SLCO1A2: variants seen among roughly 807,000 people sequenced by gnomAD.
SLCO1A2 encodes OATP-1.
In SLCO1A2, 67 loss-of-function variants were observed where a neutral mutation model predicts 69.0. The ratio of observed to expected loss-of-function variants is 0.97; its 90% CI spans 0.80 to 1.19. The LOEUF (loss-of-function observed/expected upper bound fraction) is 1.19. Among genes scored for constraint, SLCO1A2 ranks in the 50% most tolerant of loss-of-function variants. SLCO1A2 has a pLI of 0.00. For missense variants in SLCO1A2, 787 were observed against 793.7 expected (o/e 0.99, Z 0.10); for synonymous variants, 260 against 265.9 (o/e 0.98, Z 0.22).
chr12:21,278,256 A>AT (rs148850552), intron 12 of SLCO1A2, among the ~76,000 whole-genome samples: 5,804 of 151,974 alleles, frequency 0.038, 475 homozygotes, highest in East Asian at 0.35. Context: ...GATTTGTATG[A>AT]TTTTTTACCC....
At chr12:21,301,147 T>C (rs1334437413) in intron 7 of SLCO1A2, 24 bp downstream of exon 7, 3 of 1,514,070 alleles carry the variant, frequency 2.0e-6, no homozygotes, top group Admixed American at 1.7e-5. Context: ...CTAGACACTG[T>C]ACAAATAGAT....
At chr12:21,298,740 T>C (rs1283957892) in intron 8 of SLCO1A2, among the ~76,000 whole-genome samples, 2 of 152,142 alleles carry the variant, frequency 1.3e-5, no homozygotes, top group African/African-American at 4.8e-5. Flanking sequence ...CTAAGCTCTT[T>C]CCTAATTTTG....
chr12:21,279,669 A>G (rs1227531178), intron 12 of SLCO1A2, among the ~76,000 whole-genome samples: 1 of 152,224 alleles, frequency 6.6e-6, no homozygotes, highest in Non-Finnish European at 1.5e-5. Flanking sequence ...GATTTCATCA[A>G]TACCAGCCCA....
At chr12:21,362,424 G>A (rs930172003) in intron 2 of SLCO1A2, among the ~76,000 whole-genome samples, 30 of 152,214 alleles carry the variant, frequency 2.0e-4, no homozygotes, top group African/African-American at 4.8e-4. Context: ...AGGAACAACC[G>A]GTACGAGCCA....
intron 12 of SLCO1A2, among the ~76,000 whole-genome samples, chr12:21,288,260 A>G (rs965227012): frequency 6.6e-5 from 10 of 151,984 alleles, no homozygotes; most frequent in African/African-American, 2.4e-4. Flanking sequence ...GGGCCAACAT[A>G]ATAAAACACT....
intron 2 of SLCO1A2, among the ~76,000 whole-genome samples, chr12:21,361,394 G>C (rs4762819): frequency 1 from 152,074 of 152,306 alleles, 75,922 homozygotes; most frequent in Non-Finnish European, 1. Context: ...AGGTCACCAT[G>C]ATCAGAGACG....
At chr12:21,275,497 A>G in intron 12 of SLCO1A2, 73 bp from the exon 13 acceptor site, 1 of 1,285,520 alleles carries the variant, frequency 7.8e-7, no homozygotes, top group Non-Finnish European at 1.0e-6. Context: ...TGAAAAGGCC[A>G]GTTGTAAGCT....
At chr12:21,359,869 T>C (rs1392482964) in intron 2 of SLCO1A2, among the ~76,000 whole-genome samples, 2 of 152,162 alleles carry the variant, frequency 1.3e-5, no homozygotes, top group African/African-American at 4.8e-5. Context: ...TTATTTGTAA[T>C]AGCCTCAAAC....
chr12:21,319,778 G>A (rs1951374867), intron 2 of SLCO1A2, among the ~76,000 whole-genome samples: 1 of 152,056 alleles, frequency 6.6e-6, no homozygotes, highest in Non-Finnish European at 1.5e-5. Context: ...AAACAGTGAG[G>A]TTGATGCAAT....
intron 1 of SLCO1A2, among the ~76,000 whole-genome samples, chr12:21,380,515 C>T (rs1335237690): frequency 6.6e-6 from 1 of 152,092 alleles, no homozygotes; most frequent in African/African-American, 2.4e-5. Context: ...GAAAGTGAAA[C>T]ATTTAAACAA....
At chr12:21,393,841 T>C (rs1006738978) in intron 1 of SLCO1A2, among the ~76,000 whole-genome samples, 1 of 152,218 alleles carries the variant, frequency 6.6e-6, no homozygotes, top group East Asian at 1.9e-4. Flanking sequence ...CAATTGACAG[T>C]AATTTTTGAT....
intron 4 of SLCO1A2, among the ~76,000 whole-genome samples, chr12:21,309,599 A>G (rs1392343758): frequency 1.3e-5 from 2 of 152,190 alleles, no homozygotes. Flanking sequence ...ACAATCAAAT[A>G]TGGGAGTAAA....
rs1387892963 is a variant in SLCO1A2 at position 21,295,776 on chromosome 12, AG to A, written c.1091del (p.Pro364LeufsTer8). On this transcript the variant is annotated frameshift_variant, in exon 10 of 15. Coordinates refer to ENST00000683939, the MANE Select transcript of SLCO1A2 (RefSeq NM_001386879.1). LOFTEE classifies it high-confidence loss of function. ...AIFLMGIYNL[P>X]PICIGYIIGG... ...CAATTATATATCCAATACATATTGG[AG>A]GTAAGTTATAAATACCTATAAATGC... 2.6e-6 allele frequency: 4 copies of A among 1,548,386 alleles called. No homozygotes were observed. In the East Asian group the frequency reaches 9.0e-5, roughly 35 times the overall value.
chr12:21,327,239 A>T (rs183729372), intron 2 of SLCO1A2, among the ~76,000 whole-genome samples: 1 of 152,210 alleles, frequency 6.6e-6, no homozygotes, highest in East Asian at 1.9e-4. Context: ...ATTTCAGAGG[A>T]TGTATGGAAA....
At chr12:21,379,915 T>C (rs1940482542) in intron 1 of SLCO1A2, 1 of 152,184 alleles carries the variant, frequency 6.6e-6, no homozygotes. Context: ...CAGGGAAATA[T>C]ATTTATAATA....
chr12:21,277,935 T>C (rs989961899), intron 12 of SLCO1A2, among the ~76,000 whole-genome samples: 5 of 152,126 alleles, frequency 3.3e-5, no homozygotes, highest in Non-Finnish European at 7.4e-5. Context: ...ACCAAGCATG[T>C]TTTTGCAGTT....
At chr12:21,364,216 A>C (rs1939183263) in intron 2 of SLCO1A2, among the ~76,000 whole-genome samples, 1 of 152,236 alleles carries the variant, frequency 6.6e-6, no homozygotes, top group African/African-American at 2.4e-5. Context: ...AGTTGGCTTC[A>C]TCCCTGGGAT....
intron 2 of SLCO1A2, among the ~76,000 whole-genome samples, chr12:21,330,425 C>A (rs1410560906): frequency 1.3e-5 from 2 of 152,108 alleles, no homozygotes; most frequent in East Asian, 1.9e-4. Flanking sequence ...GGGAGGATTT[C>A]TTGAGCCTGG....
At chr12:21,335,853 C>T (rs915905277), upstream of SLCO1A2, among the ~76,000 whole-genome samples, 2 of 152,120 alleles carry the variant, frequency 1.3e-5, no homozygotes, top group Non-Finnish European at 2.9e-5. Context: ...TGGTGCTACG[C>T]ACCAGCATTC....
Sources: allele counts gnomAD v4.1 joint callset (sites outside exome capture counted in the v4.1 genomes callset), GRCh38; gene constraint gnomAD v4.1.1; transcripts MANE v1.5; gene names NCBI Gene and HGNC (gene_info 2026-07-23, HGNC 2026-07-21).